The following C14orf39 variants were observed in gnomAD, a reference collection of about 807,000 sequenced individuals.
C14orf39 encodes the protein chromosome 14 open reading frame 39, also known as protein SIX6OS1.
Under a neutral mutation model 85.6 loss-of-function variants are expected in C14orf39, and 66 were observed. That is an observed-to-expected ratio of 0.77 (90% CI 0.63 to 0.95). C14orf39 has a LOEUF of 0.95. C14orf39 is among the 40% of genes least tolerant of loss of function. C14orf39 has a pLI of 0.00. For missense variants in C14orf39, 735 were observed against 663.9 expected, an observed-to-expected ratio of 1.11 and a Z score of -1.18; for synonymous variants, 242 against 214.0, an observed-to-expected ratio of 1.13 and a Z score of -1.14.
chr14:60,509,335 C>G, intron 1 of C14orf39: 1 of 1,405,638 alleles, frequency 7.1e-7, no homozygotes, highest in Non-Finnish European at 1.0e-6. Flanking sequence ...CAGCCAGGCC[C>G]GCGGGCATCT....
rs929225448 is a variant in C14orf39 at position 60,513,223 on chromosome 14, C to T, written c.-144+2172G>A. ...TACATGGAAGGAGTGGGTAAGTTTT[C>T]GTGATAAAACTGGTGTTCTTTCCAA... On this transcript the variant is annotated intron_variant, in intron 1 of 5. Transcript: ENST00000556799. Among the ~76,000 whole-genome samples the T allele has an allele frequency of 3.3e-5, 5 of 152,150 alleles. No individual in the cohort carries two copies. In the East Asian group the frequency reaches 9.6e-4, roughly 29 times the overall value.
At chr14:60,494,122 C>T (rs1337582679) in intron 2 of C14orf39, 3 of 319,154 alleles carry the variant, frequency 9.4e-6, no homozygotes, top group Admixed American at 3.1e-5. Context: ...ACGACAGGGT[C>T]CACATTCATC....
chr14:60,490,773 C>G (rs1357907702), upstream of C14orf39, among the ~76,000 whole-genome samples: 1 of 152,180 alleles, frequency 6.6e-6, no homozygotes, highest in African/African-American at 2.4e-5. Flanking sequence ...GACACCATCA[C>G]TACAACCAAG....
At chr14:60,478,486 A>AT in intron 4 of C14orf39, 97 bp from the exon 5 acceptor site, 1 of 550,074 alleles carries the variant, frequency 1.8e-6, no homozygotes, top group Non-Finnish European at 3.0e-6. Flanking sequence ...AAGAGAAACG[A>AT]ATCTTTCTCT....
chr14:60,441,947 A>G, intron 17 of C14orf39, 127 bp downstream of exon 17: 2 of 609,292 alleles, frequency 3.3e-6, no homozygotes, highest in South Asian at 2.7e-5. Context: ...AATATCAGTG[A>G]GTAGTGCAGA....
intron 1 of C14orf39, among the ~76,000 whole-genome samples, chr14:60,501,177 T>C (rs933434744): frequency 6.6e-6 from 1 of 151,952 alleles, no homozygotes; most frequent in Non-Finnish European, 1.5e-5. Flanking sequence ...TGTGATGCCA[T>C]GTATCTGTAG....
chr14:60,508,221 G>C (rs1377153079), intron 1 of C14orf39, among the ~76,000 whole-genome samples: 1 of 152,154 alleles, frequency 6.6e-6, no homozygotes, highest in African/African-American at 2.4e-5. Context: ...TCTAACACAA[G>C]GTAGGGGCAA....
rs572625621 is a variant in C14orf39, at chr14:60,509,473, C to A, written c.-144+5922G>T. 141 of 1,600,898 alleles carry A rather than the reference C, an allele frequency of 8.8e-5. 6 individuals are homozygous for A. The South Asian group carries it at 1.5e-3, about 17-fold the overall frequency. ...TATGTGAGACCCTGGAAGAGAGCGG[C>A]GATGTGGAGCGCCTGGGTCGCTTCC... On this transcript the variant is annotated intron_variant, in intron 1 of 5. Transcript: ENST00000556799.
At chr14:60,467,819 G>A (rs916982702) in intron 9 of C14orf39, among the ~76,000 whole-genome samples, 16 of 151,650 alleles carry the variant, frequency 1.1e-4, no homozygotes, top group Non-Finnish European at 2.1e-4. Context: ...GGAACTTGAG[G>A]AAAGGAGTTT....
At chr14:60,459,663 T>A (rs1389494450) in intron 13 of C14orf39, among the ~76,000 whole-genome samples, 1 of 151,796 alleles carries the variant, frequency 6.6e-6, no homozygotes, top group Non-Finnish European at 1.5e-5. Context: ...CAGACTTTTT[T>A]AATTTTGCTA....
At chr14:60,450,911 CTG>C (rs1891001105) in intron 16 of C14orf39, among the ~76,000 whole-genome samples, 1 of 152,206 alleles carries the variant, frequency 6.6e-6, no homozygotes, top group African/African-American at 2.4e-5. Flanking sequence ...CTGTACCTCT[CTG>C]AGTCTGCAAA....
At chr14:60,496,549 GTCT>G (rs1893072695) in intron 2 of C14orf39, 1 of 186,746 alleles carries the variant, frequency 5.4e-6, no homozygotes, top group Admixed American at 5.7e-5. Flanking sequence ...CTCCAAAGAA[GTCT>G]TCTCAAGGCA....
chr14:60,449,748 CT>C (rs929823165), intron 16 of C14orf39, among the ~76,000 whole-genome samples: 1 of 152,024 alleles, frequency 6.6e-6, no homozygotes, highest in South Asian at 2.1e-4. Context: ...TTCAGGTTTG[CT>C]TAGTTCTTCT....
At chr14:60,514,812 A>T (rs1379873914) in intron 1 of C14orf39, among the ~76,000 whole-genome samples, 2 of 152,208 alleles carry the variant, frequency 1.3e-5, no homozygotes, top group South Asian at 2.1e-4. Flanking sequence ...TTTTCGCTCT[A>T]TTCAACGGGG....
At chr14:60,507,629 G>A (rs1326115162) in intron 1 of C14orf39, among the ~76,000 whole-genome samples, 2 of 151,954 alleles carry the variant, frequency 1.3e-5, no homozygotes, top group East Asian at 3.9e-4. Flanking sequence ...ATAATATCAG[G>A]GTTTTCCGTC....
In C14orf39 at chr14:60,436,591, C is replaced by A. The variant is rs1890259879; in HGVS notation, c.*254G>T. 3.8e-6 allele frequency: 1 copy of A among 266,214 alleles called. No individual in the cohort carries two copies. Among genetic ancestry groups the A allele is most frequent in the African/African-American group, 2.2e-5 (1 of 44,630 alleles). 16.5% of individuals were successfully genotyped at this position (266,214 alleles called of 1,614,324 possible). On this transcript the variant is annotated 3_prime_UTR_variant, in exon 18 of 18. Transcript: ENST00000321731. Reference sequence around the variant, plus strand: ...AGAGTAATGAAAAAAGCATCAAATTCTATTAAGATTAATAAAAGTTCTACC... The same window carrying A: ...AGAGTAATGAAAAAAGCATCAAATTATATTAAGATTAATAAAAGTTCTACC...
chr14:60,484,849 C>G lies in C14orf39; in HGVS notation c.106+32G>C, dbSNP rs1328305386. 2.1e-6 allele frequency: 3 copies of G among 1,461,300 alleles called. No individual in the cohort carries two copies. The highest frequency in any genetic ancestry group is 2.8e-6 in the Non-Finnish European group (3 of 1,060,764). 90.5% of individuals were successfully genotyped at this position (1,461,300 alleles called of 1,614,324 possible). Reference sequence around the variant, plus strand: ...TTATATGCCATAAGGAATTAAAAGACTAAAATATCTTGATCATGCAAAGCT... The same window carrying G: ...TTATATGCCATAAGGAATTAAAAGAGTAAAATATCTTGATCATGCAAAGCT... On this transcript the variant is annotated intron_variant, in intron 3 of 17. Transcript: ENST00000321731. The surrounding 1 kb of genome is among the most constrained non-coding windows in gnomAD (Gnocchi z 4.2).
chr14:60,445,305 T>C (rs1328538628), intron 16 of C14orf39, among the ~76,000 whole-genome samples: 1 of 152,164 alleles, frequency 6.6e-6, no homozygotes. Flanking sequence ...ATCACTGTGC[T>C]GTATTCAGGA....
chr14:60,479,679 T>A (rs1479116642), intron 4 of C14orf39, among the ~76,000 whole-genome samples: 1 of 149,658 alleles, frequency 6.7e-6, no homozygotes, highest in African/African-American at 2.4e-5. Context: ...AGCTTAATAT[T>A]ATGAATATTG....
Sources: allele counts gnomAD v4.1 joint callset (sites outside exome capture counted in the v4.1 genomes callset), GRCh38; gene constraint gnomAD v4.1.1; non-coding constraint Gnocchi (gnomAD v3.1); transcripts MANE v1.5; gene names NCBI Gene and HGNC (gene_info 2026-07-23, HGNC 2026-07-21).